CYTH1: variants seen among roughly 807,000 people sequenced by gnomAD.
CYTH1 encodes the protein cytohesin 1, also known as cytohesin-1.
A neutral mutation model predicts 61.8 loss-of-function variants in CYTH1; 18 were observed. The ratio of observed to expected loss-of-function variants is 0.29; its 90% CI spans 0.20 to 0.43. The LOEUF (loss-of-function observed/expected upper bound fraction) is 0.43, where lower values mean the gene tolerates loss of function less well. CYTH1 is among the 20% of genes least tolerant of loss of function. CYTH1 has a pLI of 1.00. For synonymous variants in CYTH1, 174 were observed against 184.3 expected (o/e 0.94, Z 0.45); for missense variants, 336 against 510.5 (o/e 0.66, Z 3.29).
At position 78,680,241 on chromosome 17, in the gene CYTH1, C is replaced by T. The variant is rs1410112940; in HGVS notation, c.1067G>A (p.Arg356Gln). 1.9e-6 allele frequency: 3 copies of T among 1,614,048 alleles called. No individual in the cohort carries two copies. Among genetic ancestry groups the T allele is most frequent in the Non-Finnish European group, 2.5e-6 (3 of 1,180,044 alleles). The part of the protein sequence containing the change: ...RVVEGNHTVY[R>Q]ISAPTPEEKE... ...CTCCTCGGGCGTCGGAGCTGAGATC[C>T]GGTAAACAGTGTGGTTCCCCTCCAC... Residue 356 changes from arginine (R) to glutamine (Q), a missense_variant, in exon 13 of 14, where the codon CGG (arginine) becomes CAG (glutamine). Around this residue, in one of 4 missense-constraint regions of CYTH1, gnomAD observed 83 missense variants for 115.6 expected, o/e 0.72. Coordinates refer to ENST00000446868, the MANE Select transcript of CYTH1 (RefSeq NM_004762.6).
intron 1 of CYTH1, among the ~76,000 whole-genome samples, chr17:78,739,728 G>A (rs1452068519): frequency 6.6e-6 from 1 of 152,178 alleles, no homozygotes; most frequent in Non-Finnish European, 1.5e-5. Flanking sequence ...GCCAGCACAG[G>A]AGCTGGAGAC....
chr17:78,730,982 G>A (rs559367780), intron 1 of CYTH1, among the ~76,000 whole-genome samples: 33 of 152,160 alleles, frequency 2.2e-4, no homozygotes, highest in African/African-American at 7.7e-4. Flanking sequence ...TCTTCTTAAG[G>A]AAGAAGTGAA....
chr17:78,689,330 C>T (rs2092851463), intron 11 of CYTH1, among the ~76,000 whole-genome samples: 1 of 152,228 alleles, frequency 6.6e-6, no homozygotes, highest in Admixed American at 6.5e-5. Flanking sequence ...TAACATTCAT[C>T]TGTACTTGCA....
rs532131703 is a variant in CYTH1 at position 78,675,775 on chromosome 17, T to C, written c.*316A>G. Reference sequence around the variant, plus strand: ...ACGGGGACAACCAAGAGGTAAACAGTTGGCTCTGAGCTCTGCTACCAGAAC... The same window carrying C: ...ACGGGGACAACCAAGAGGTAAACAGCTGGCTCTGAGCTCTGCTACCAGAAC... On this transcript the variant is annotated 3_prime_UTR_variant, in exon 14 of 14. Coordinates refer to ENST00000446868, the MANE Select transcript of CYTH1 (RefSeq NM_004762.6). 508 of 1,064,580 alleles carry C rather than the reference T, an allele frequency of 4.8e-4. 5 individuals carry two copies. In the South Asian group the frequency reaches 7.7e-3, roughly 16 times the overall value. The allele number at this position is 1,064,580 out of a possible 1,614,324, so 65.9% of individuals were successfully genotyped here.
At position 78,700,290 on chromosome 17, in the gene CYTH1, TA is replaced by T; in HGVS notation, c.550+40del. 1 of 1,525,382 alleles carries T rather than the reference TA, an allele frequency of 6.6e-7. No individual in the cohort carries two copies. The highest frequency in any genetic ancestry group is 1.4e-5 in the African/African-American group (1 of 72,120). The allele number at this position is 1,525,382 out of a possible 1,614,324, so 94.5% of individuals were successfully genotyped here. A position where few individuals can be genotyped will look rare whatever the true frequency, so the allele number is the denominator to read the frequency against. ...CTGGTGCCAAGAAAATAATCCAGTG[TA>T]AAACGCCCATCATAAACTAGGATGA... On this transcript the variant is annotated intron_variant, in intron 7 of 13. Transcript: ENST00000446868. The surrounding 1 kb of genome is among the most constrained non-coding windows in gnomAD (Gnocchi z 5.1).
At chr17:78,761,909 A>G (rs1281194865) in intron 1 of CYTH1, among the ~76,000 whole-genome samples, 2 of 152,206 alleles carry the variant, frequency 1.3e-5, no homozygotes, top group African/African-American at 2.4e-5. Flanking sequence ...TGTATCCTTA[A>G]CATCTATTCT....
At chr17:78,705,841 G>A (rs189103466) in intron 3 of CYTH1, among the ~76,000 whole-genome samples, 3 of 152,308 alleles carry the variant, frequency 2.0e-5, no homozygotes, top group African/African-American at 7.2e-5. Flanking sequence ...TTCACTGGCT[G>A]AGTACTTTGG....
chr17:78,688,930 C>T (rs1386262743), intron 11 of CYTH1, among the ~76,000 whole-genome samples: 3 of 152,116 alleles, frequency 2.0e-5, no homozygotes, highest in South Asian at 2.1e-4. Context: ...GCAGTCTTGG[C>T]GTGTTCTGCT....
chr17:78,700,531 CTTT>C lies in CYTH1; in HGVS notation c.438-91_438-89del. The C allele has an allele frequency of 5.9e-6, 5 of 841,438 alleles. No homozygotes were observed. Among genetic ancestry groups the C allele is most frequent in the Non-Finnish European group, 5.1e-6 (3 of 591,242 alleles). The allele number at this position is 841,438 out of a possible 1,614,324, so 52.1% of individuals were successfully genotyped here. On this transcript the variant is annotated intron_variant, in intron 6 of 13. Coordinates refer to ENST00000446868, the MANE Select transcript of CYTH1 (RefSeq NM_004762.6). The surrounding 1 kb of genome is among the most constrained non-coding windows in gnomAD (Gnocchi z 5.1). ...TTAAACTGCCAATGATTTTTTTTTT[CTTT>C]TTTTTTTTGAGATGGAGTCTCACTC...
rs79322400 is a variant in CYTH1, at chr17:78,745,576, T to C, written c.23-35844A>G. On this transcript the variant is annotated intron_variant, in intron 1 of 13. Coordinates refer to ENST00000446868, the MANE Select transcript of CYTH1 (RefSeq NM_004762.6). ...GCTACATGAAAAGATTGTTAAAAGA[T>C]TGACATAGAAATTGCACCAAAAAAT... Among the ~76,000 whole-genome samples, 898 of 152,242 alleles carry C rather than the reference T, an allele frequency of 5.9e-3. 40 individuals are homozygous for C. The East Asian group carries it at 0.11, about 19-fold the overall frequency.
chr17:78,725,387 A>G (rs999482504), intron 1 of CYTH1, among the ~76,000 whole-genome samples: 2 of 152,180 alleles, frequency 1.3e-5, no homozygotes, highest in African/African-American at 4.8e-5. Context: ...ATCTACCACC[A>G]TGTTTCCCAG....
intron 1 of CYTH1, among the ~76,000 whole-genome samples, chr17:78,760,460 CAT>C (rs1273141940): frequency 0.021 from 675 of 31,508 alleles, 73 homozygotes; most frequent in African/African-American, 0.062. Context: ...TATATACATA[CAT>C]ATATATATGT....
chr17:78,704,947 T>G lies in CYTH1; in HGVS notation c.171-2343A>C, dbSNP rs563814653. Reference sequence around the variant, plus strand: ...AACAAAGTCATGGGGGAAACACCATTTAATTTCAGCCAGAATGAAGGGTTA... The same window carrying G: ...AACAAAGTCATGGGGGAAACACCATGTAATTTCAGCCAGAATGAAGGGTTA... On this transcript the variant is annotated intron_variant, in intron 3 of 13. Coordinates refer to ENST00000446868, the MANE Select transcript of CYTH1 (RefSeq NM_004762.6). Among the ~76,000 whole-genome samples, 3 of 152,318 alleles carry G rather than the reference T, an allele frequency of 2.0e-5. No individual in the cohort carries two copies. In the East Asian group the frequency reaches 5.8e-4, roughly 29 times the overall value.
At chr17:78,695,868 C>T (rs2092932782) in intron 10 of CYTH1, 139 bp downstream of exon 10, 1 of 1,247,636 alleles carries the variant, frequency 8.0e-7, no homozygotes, top group Non-Finnish European at 1.1e-6. Flanking sequence ...TCCCTAGGGA[C>T]TGTACAATAA....
rs558158485 is a variant in CYTH1 at position 78,763,263 on chromosome 17, A to C, written c.22+18939T>G. On this transcript the variant is annotated intron_variant, in intron 1 of 13. Transcript: ENST00000446868. ...GAGGCTGAGGCAGGAGAATCGCTTAAACCTAGGAGGCAGAGGTTGCAGTGA... is the reference window on the plus strand; with the variant it reads ...GAGGCTGAGGCAGGAGAATCGCTTACACCTAGGAGGCAGAGGTTGCAGTGA... Among the ~76,000 whole-genome samples the C allele has an allele frequency of 3.3e-5, 5 of 152,086 alleles. No individual in the cohort carries two copies. In the South Asian group the frequency reaches 1.0e-3, roughly 32 times the overall value.
At chr17:78,760,009 A>G (rs2093415728) in intron 1 of CYTH1, among the ~76,000 whole-genome samples, 1 of 152,094 alleles carries the variant, frequency 6.6e-6, no homozygotes, top group African/African-American at 2.4e-5. Context: ...TCATTCCTGG[A>G]TCTGCCCTGG....
chr17:78,742,688 A>G (rs1164511105), intron 1 of CYTH1, among the ~76,000 whole-genome samples: 2 of 152,014 alleles, frequency 1.3e-5, no homozygotes, highest in East Asian at 3.9e-4. Flanking sequence ...CCCTGTCTCT[A>G]CTAAAAATAC....
chr17:78,698,829 C>A lies in CYTH1; in HGVS notation c.690G>T (p.Glu230Asp), dbSNP rs750164978. 1 of 1,579,072 alleles carries A rather than the reference C, an allele frequency of 6.3e-7. No individual in the cohort carries two copies. Among genetic ancestry groups the A allele is most frequent in the Non-Finnish European group, 8.5e-7 (1 of 1,169,762 alleles). ...GINDGGDLPE[E>D]LLRNLYESIK... ...ATTCTTCCTTGCTTACCCGGAGGAG[C>A]TCCTCCGGCAGGTCTCCCCCATCAT... Residue 230 changes from glutamate (E) to aspartate (D), a missense_variant, in exon 8 of 14, where the codon GAG becomes GAT. Glu to Asp is a conservative substitution (Grantham distance 45). Around this residue, in one of 4 missense-constraint regions of CYTH1, gnomAD observed 125 missense variants for 209.9 expected, o/e 0.60. Coordinates refer to ENST00000446868, the MANE Select transcript of CYTH1 (RefSeq NM_004762.6).
intron 1 of CYTH1, 145 bp from the exon 2 acceptor site, chr17:78,709,877 G>T: frequency 1.5e-6 from 1 of 667,232 alleles, no homozygotes; most frequent in Non-Finnish European, 2.5e-6. Context: ...AATAGTTATG[G>T]CTCCAATTCT....
Sources: allele counts gnomAD v4.1 joint callset (sites outside exome capture counted in the v4.1 genomes callset), GRCh38; gene constraint gnomAD v4.1.1; regional missense constraint gnomAD v4.1.1; non-coding constraint Gnocchi (gnomAD v3.1); transcripts MANE v1.5; gene names NCBI Gene and HGNC (gene_info 2026-07-23, HGNC 2026-07-21).